ZMAT4: variants seen among roughly 807,000 people sequenced by gnomAD.
The protein encoded by ZMAT4 is zinc finger matrin-type 4.
ZMAT4 carries 17 observed loss-of-function variants against 28.7 expected under a neutral mutation model. The ratio of observed to expected loss-of-function variants is 0.59; its 90% CI spans 0.41 to 0.89. ZMAT4 has a LOEUF of 0.89. Among genes scored for constraint, ZMAT4 ranks in the 40% least tolerant of loss-of-function variants. ZMAT4 has a pLI of 0.00. For missense variants in ZMAT4, 240 were observed against 283.8 expected, an observed-to-expected ratio of 0.85 and a Z score of 1.11; for synonymous variants, 117 against 109.2, an observed-to-expected ratio of 1.07 and a Z score of -0.44.
chr8:40,789,414 C>A (rs1406337317), intron 2 of ZMAT4, among the ~76,000 whole-genome samples: 1 of 152,078 alleles, frequency 6.6e-6, no homozygotes, highest in Non-Finnish European at 1.5e-5. Flanking sequence ...AAAAGAAATT[C>A]AGTGCATCAA....
chr8:40,659,731 T>G (rs915230821), intron 5 of ZMAT4, among the ~76,000 whole-genome samples: 1 of 152,100 alleles, frequency 6.6e-6, no homozygotes, highest in Non-Finnish European at 1.5e-5. Context: ...AGATCACCTA[T>G]CCCAACACCT....
chr8:40,871,646 T>C (rs900537209), intron 1 of ZMAT4, among the ~76,000 whole-genome samples: 1 of 152,156 alleles, frequency 6.6e-6, no homozygotes, highest in African/African-American at 2.4e-5. Context: ...CCATTGCCAA[T>C]AGTGAGTTTG....
chr8:40,613,720 C>A lies in ZMAT4; in HGVS notation c.578-32459G>T, dbSNP rs1426767075. 1.4e-4 allele frequency among the ~76,000 whole-genome samples: 22 copies of A among 152,140 alleles called. 1 individual carries two copies. Among genetic ancestry groups the A allele is most frequent in the Admixed American group, 1.4e-3 (22 of 15,276 alleles). On this transcript the variant is annotated intron_variant, in intron 5 of 6. Coordinates refer to ENST00000297737, the MANE Select transcript of ZMAT4 (RefSeq NM_024645.3). ...CCACCAGAGGACAGTAAGTCACTTG[C>A]CCTGAAAGTGCCAGGCCAGGCGCAT...
intron 2 of ZMAT4, among the ~76,000 whole-genome samples, chr8:40,810,817 T>C (rs34164651): frequency 0.15 from 22,273 of 151,848 alleles, 1,986 homozygotes; most frequent in Non-Finnish European, 0.2. Context: ...ACAAGGAATA[T>C]AGGAGGAAAT....
chr8:40,648,254 G>A (rs1444669906), intron 5 of ZMAT4, among the ~76,000 whole-genome samples: 6 of 151,990 alleles, frequency 3.9e-5, no homozygotes, highest in Non-Finnish European at 7.4e-5. Flanking sequence ...TGAAAACCAA[G>A]GCTCAAGAGC....
intron 1 of ZMAT4, among the ~76,000 whole-genome samples, chr8:40,851,111 G>A (rs1424336729): frequency 6.6e-6 from 1 of 152,146 alleles, no homozygotes; most frequent in African/African-American, 2.4e-5. Context: ...CAGATCACGT[G>A]AGGTCAGGAT....
chr8:40,713,921 C>CAAAAAAAA (rs532317102), intron 3 of ZMAT4, among the ~76,000 whole-genome samples: 10 of 50,004 alleles, frequency 2.0e-4, no homozygotes, highest in Non-Finnish European at 3.0e-4. Flanking sequence ...AAAACAAAAC[C>CAAAAAAAA]AAAAAAAAAA....
chr8:40,793,508 T>C (rs1814453484), intron 2 of ZMAT4, among the ~76,000 whole-genome samples: 1 of 152,242 alleles, frequency 6.6e-6, no homozygotes, highest in African/African-American at 2.4e-5. Context: ...ACAACAGCCT[T>C]GAAATCCTTT....
At chr8:40,723,038 G>A (rs1811169432) in intron 3 of ZMAT4, among the ~76,000 whole-genome samples, 1 of 152,148 alleles carries the variant, frequency 6.6e-6, no homozygotes, top group African/African-American at 2.4e-5. Context: ...GGAGAAGACA[G>A]GGATGTGAAA....
At chr8:40,789,767 A>C (rs1412839983) in intron 2 of ZMAT4, among the ~76,000 whole-genome samples, 1 of 152,230 alleles carries the variant, frequency 6.6e-6, no homozygotes, top group Non-Finnish European at 1.5e-5. Context: ...CAGCCTGGGA[A>C]GCCAACCTAC....
chr8:40,821,125 A>T (rs760594576), intron 2 of ZMAT4, among the ~76,000 whole-genome samples: 1 of 151,234 alleles, frequency 6.6e-6, no homozygotes, highest in Non-Finnish European at 1.5e-5. Flanking sequence ...ACACACACAT[A>T]TATCATCTTT....
chr8:40,737,692 G>T (rs560595283), intron 3 of ZMAT4, among the ~76,000 whole-genome samples: 1 of 152,290 alleles, frequency 6.6e-6, no homozygotes, highest in South Asian at 2.1e-4. Context: ...TCAAGGAGAG[G>T]AAGTGGAGTT....
At chr8:40,750,788 C>T (rs1190381814) in intron 3 of ZMAT4, among the ~76,000 whole-genome samples, 1 of 152,214 alleles carries the variant, frequency 6.6e-6, no homozygotes, top group African/African-American at 2.4e-5. Flanking sequence ...AGATTCCTGG[C>T]CACCCCAGTG....
intron 2 of ZMAT4, among the ~76,000 whole-genome samples, chr8:40,783,459 G>C (rs1422737678): frequency 6.6e-6 from 1 of 152,182 alleles, no homozygotes; most frequent in Non-Finnish European, 1.5e-5. Flanking sequence ...AGTGAGTTTA[G>C]GGGTTTTGGA....
intron 5 of ZMAT4, among the ~76,000 whole-genome samples, chr8:40,589,734 T>TTTTTCTTTCTTTCTTTC (rs2118573670): frequency 7.2e-6 from 1 of 139,370 alleles, no homozygotes. Flanking sequence ...TTCCTTTCCT[T>TTTTTCTTTCTTTCTTTC]TCTTTCTTTC....
chr8:40,591,128 A>G (rs1330456703), intron 5 of ZMAT4, among the ~76,000 whole-genome samples: 1 of 152,142 alleles, frequency 6.6e-6, no homozygotes, highest in East Asian at 1.9e-4. Flanking sequence ...TATATTGTAG[A>G]AAATTCAGGG....
intron 6 of ZMAT4, among the ~76,000 whole-genome samples, chr8:40,564,834 G>C (rs16889589): frequency 0.1 from 15,546 of 152,210 alleles, 1,455 homozygotes; most frequent in East Asian, 0.52. Flanking sequence ...TGTGGGCACA[G>C]GATGAGATAT....
chr8:40,672,109 A>G (rs1236626620), intron 5 of ZMAT4, among the ~76,000 whole-genome samples: 1 of 152,206 alleles, frequency 6.6e-6, no homozygotes, highest in East Asian at 1.9e-4. Context: ...AAAAAAAAGT[A>G]AGTAAACAAG....
chr8:40,551,339 A>C (rs1803363793), intron 6 of ZMAT4, among the ~76,000 whole-genome samples: 2 of 152,216 alleles, frequency 1.3e-5, no homozygotes, highest in Non-Finnish European at 2.9e-5. Context: ...CCTTGAAGGA[A>C]GAACAGAAAA....
Sources: allele counts gnomAD v4.1 joint callset (sites outside exome capture counted in the v4.1 genomes callset), GRCh38; gene constraint gnomAD v4.1.1; transcripts MANE v1.5; gene names NCBI Gene and HGNC (gene_info 2026-07-23, HGNC 2026-07-21).